HDLBP: variants seen among roughly 807,000 people sequenced by gnomAD.
The protein encoded by HDLBP is high density lipoprotein binding protein, also known as vigilin.
A neutral mutation model predicts 137.3 loss-of-function variants in HDLBP; 30 were observed. The observed-to-expected ratio is 0.22, with a 90% CI of 0.16 to 0.30. The LOEUF is 0.30. Ranked by LOEUF, HDLBP falls within the 10% of genes least tolerant of loss-of-function variation. The pLI, the probability that HDLBP is intolerant of heterozygous loss-of-function variation, is 1.00. For synonymous variants in HDLBP, 606 were observed against 596.0 expected (o/e 1.02, Z -0.24); for missense variants, 1,119 against 1,667.3 (o/e 0.67, Z 5.73).
intron 1 of HDLBP, among the ~76,000 whole-genome samples, chr2:241,302,960 C>T (rs1036563663): frequency 1.3e-5 from 2 of 152,186 alleles, no homozygotes; most frequent in Admixed American, 1.3e-4. Context: ...GCTCACAGTG[C>T]CCTACCAATG....
At chr2:241,292,887 G>T (rs747870309) in intron 1 of HDLBP, among the ~76,000 whole-genome samples, 1 of 152,174 alleles carries the variant, frequency 6.6e-6, no homozygotes, top group Non-Finnish European at 1.5e-5. Flanking sequence ...CAAAAAATCA[G>T]CCAGGTGTGG....
chr2:241,286,563 C>T (rs1248836603), intron 1 of HDLBP, among the ~76,000 whole-genome samples: 1 of 152,154 alleles, frequency 6.6e-6, no homozygotes, highest in Non-Finnish European at 1.5e-5. Context: ...CAATGTTCGT[C>T]CTGTATATGC....
chr2:241,306,889 TAA>T (rs759322405), intron 1 of HDLBP, among the ~76,000 whole-genome samples: 30 of 68,842 alleles, frequency 4.4e-4, no homozygotes, highest in African/African-American at 7.9e-4. Context: ...CTCAATAAAT[TAA>T]AAAAAAAAAA....
At chr2:241,282,449 C>G (rs138064168) in intron 1 of HDLBP, among the ~76,000 whole-genome samples, 3 of 152,302 alleles carry the variant, frequency 2.0e-5, no homozygotes, top group Non-Finnish European at 4.4e-5. Context: ...CATCAATATT[C>G]TTTGATCTAA....
intron 1 of HDLBP, among the ~76,000 whole-genome samples, chr2:241,277,121 G>A (rs750428002): frequency 1.5e-4 from 23 of 152,022 alleles, no homozygotes; most frequent in Non-Finnish European, 2.6e-4. Flanking sequence ...AGTAACTCAT[G>A]GAACAAGGAA....
At chr2:241,273,758 C>G (rs2149591840) in intron 1 of HDLBP, 1 of 710,028 alleles carries the variant, frequency 1.4e-6, no homozygotes, top group Admixed American at 6.3e-5. Context: ...GGAATGGGGT[C>G]AGGTCCGCAC....
At chr2:241,309,052 T>C (rs750023006) in intron 1 of HDLBP, among the ~76,000 whole-genome samples, 8 of 152,182 alleles carry the variant, frequency 5.3e-5, no homozygotes, top group Non-Finnish European at 7.3e-5. Flanking sequence ...ATTCCTCTTA[T>C]AACGCTCTTC....
intron 5 of HDLBP, 133 bp from the exon 6 acceptor site, chr2:241,256,939 C>T: frequency 2.7e-6 from 2 of 747,052 alleles, no homozygotes; most frequent in Non-Finnish European, 4.4e-6. Context: ...TCCATTAAAA[C>T]AGCATGAGCT....
chr2:241,234,777 C>T (rs901646955), intron 23 of HDLBP, among the ~76,000 whole-genome samples: 11 of 152,206 alleles, frequency 7.2e-5, no homozygotes, highest in African/African-American at 1.2e-4. Flanking sequence ...TGGGGGTCCC[C>T]GATGCTCGTC....
At chr2:241,267,215 A>AAAAAC (rs969866571) in intron 2 of HDLBP, among the ~76,000 whole-genome samples, 5 of 152,178 alleles carry the variant, frequency 3.3e-5, no homozygotes, top group African/African-American at 1.2e-4. Flanking sequence ...ATAAACAAAC[A>AAAAAC]AAAACAAAAC....
rs530715319 is a variant in HDLBP at position 241,268,135 on chromosome 2, A to T, written c.-38+342T>A. The stretch of plus-strand genomic sequence containing the variant: ...GTGAATTTTGCATAATTTTTATAAC[A>T]TAATTAAGACCTCTCCCCAAGTTGA... On this transcript the variant is annotated intron_variant, in intron 2 of 27. Coordinates refer to ENST00000310931, the MANE Select transcript of HDLBP (RefSeq NM_005336.6). 2.6e-5 allele frequency among the ~76,000 whole-genome samples: 4 copies of T among 152,322 alleles called. No individual in the cohort carries two copies. The South Asian group carries it at 8.3e-4, about 32-fold the overall frequency.
At chr2:241,236,333 T>TC (rs2070432687) in intron 21 of HDLBP, 1 of 448,004 alleles carries the variant, frequency 2.2e-6, no homozygotes, top group Non-Finnish European at 4.0e-6. Context: ...CTGAGACCCT[T>TC]CCACAGCCCC....
intron 1 of HDLBP, among the ~76,000 whole-genome samples, chr2:241,269,969 C>A (rs188443548): frequency 3.2e-4 from 49 of 152,280 alleles, no homozygotes; most frequent in Non-Finnish European, 6.2e-4. Context: ...ACTTCTTAAA[C>A]CCAGACACCC....
chr2:241,230,587 C>T lies in HDLBP; in HGVS notation c.3474+172G>A, dbSNP rs1392033216. On this transcript the variant is annotated intron_variant, in intron 25 of 27. Transcript: ENST00000310931. The surrounding 1 kb of genome is among the most constrained non-coding windows in gnomAD (Gnocchi z 5.0). The stretch of plus-strand genomic sequence containing the variant: ...GCCACCGTGGCAGTGCAGCCTCACA[C>T]AGGCCGTCGCCTGCACTGACCCGTG... 6.6e-6 allele frequency among the ~76,000 whole-genome samples: 1 copy of T among 152,266 alleles called. No individual in the cohort carries two copies. Among genetic ancestry groups the T allele is most frequent in the African/African-American group, 2.4e-5 (1 of 41,478 alleles).
In HDLBP at chr2:241,272,710, G is replaced by A; in HGVS notation, c.-102-4169C>T. On this transcript the variant is annotated intron_variant, in intron 1 of 27. Coordinates refer to ENST00000310931, the MANE Select transcript of HDLBP (RefSeq NM_005336.6). This position sits in a 1 kb window ranked among gnomAD's most constrained non-coding sequence, Gnocchi z 5.6. Reference sequence around the variant, plus strand: ...CACCCCCCCGCCCGGCAGCCCGCCCGCCCCGTCCGCCCGCCCGCCCAGGCC... The same window carrying A: ...CACCCCCCCGCCCGGCAGCCCGCCCACCCCGTCCGCCCGCCCGCCCAGGCC... 1.3e-5 allele frequency: 6 copies of A among 458,404 alleles called. No homozygotes were observed. The highest frequency in any genetic ancestry group is 1.5e-5 in the Non-Finnish European group (6 of 405,648). 28.4% of individuals were successfully genotyped at this position (458,404 alleles called of 1,614,324 possible).
intron 1 of HDLBP, among the ~76,000 whole-genome samples, chr2:241,309,992 C>T (rs1425522912): frequency 6.6e-6 from 1 of 152,154 alleles, no homozygotes; most frequent in Non-Finnish European, 1.5e-5. Context: ...CTCAGAGGCC[C>T]TCTGACTCAC....
At chr2:241,229,791 C>G in intron 27 of HDLBP, 42 bp downstream of exon 27, 1 of 1,553,462 alleles carries the variant, frequency 6.4e-7, no homozygotes, top group Non-Finnish European at 8.7e-7. Context: ...CCTGCCCGCC[C>G]ACCCTCCCTG....
In HDLBP at chr2:241,242,655, G is replaced by A. The variant is rs750091195; in HGVS notation, c.1974C>T (p.Val658=). 29 of 1,613,872 alleles carry A rather than the reference G, an allele frequency of 1.8e-5. No homozygotes were observed. The highest frequency in any genetic ancestry group is 1.7e-4 in the Middle Eastern group (1 of 6,054). ...AGTTGTGCAGCTTGGCAGGGATGGA[G>A]ACCTCTACCTCGGCTATGTTGGCCT... is the stretch of plus-strand genomic sequence containing the variant. The part of the protein sequence containing the change: ...KDLANIAEVE[V]SIPAKLHNSL... The change falls in exon 17 of 28, where the codon GTC becomes GTT. Residue 658 remains valine, a synonymous_variant. Transcript: ENST00000310931.
rs951722080 is a variant in HDLBP at position 241,272,805 on chromosome 2, C to T, written c.-102-4264G>A. The T allele has an allele frequency of 3.6e-6, 1 of 278,778 alleles. No homozygotes were observed. The highest frequency in any genetic ancestry group is 1.8e-4 in the East Asian group (1 of 5,620). The allele number at this position is 278,778 out of a possible 1,614,324, so 17.3% of individuals were successfully genotyped here. ...GGTCCTGCCGCTGGCTTACTCGCCC[C>T]CCGCGCGGGAGAAGCCGGGACGCTC... On this transcript the variant is annotated intron_variant, in intron 1 of 27. Transcript: ENST00000310931. This position sits in a 1 kb window ranked among gnomAD's most constrained non-coding sequence, Gnocchi z 5.6.
Sources: gnomAD v4.1 joint callset for allele counts (sites outside exome capture counted in the v4.1 genomes callset) on GRCh38, gnomAD v4.1.1 for gene constraint, Gnocchi (gnomAD v3.1) non-coding constraint, MANE v1.5 for transcripts, NCBI Gene and HGNC (gene_info 2026-07-23, HGNC 2026-07-21) for gene names.